PIK3C2G: variants seen among roughly 807,000 people sequenced by gnomAD.
PIK3C2G encodes the protein phosphatidylinositol-4-phosphate 3-kinase catalytic subunit type 2 gamma.
A neutral mutation model predicts 181.1 loss-of-function variants in PIK3C2G; 168 were observed. That is an observed-to-expected ratio of 0.93 (90% CI 0.82 to 1.05). The LOEUF (loss-of-function observed/expected upper bound fraction) is 1.05. Ranked by LOEUF, PIK3C2G falls within the 50% of genes least tolerant of loss-of-function variation. The pLI is 0.00. For synonymous variants in PIK3C2G, 573 were observed against 592.2 expected (o/e 0.97, Z 0.47); for missense variants, 1,869 against 1,732.8 (o/e 1.08, Z -1.40).
At chr12:18,400,170 A>G (rs1944165588) in intron 16 of PIK3C2G, among the ~76,000 whole-genome samples, 2 of 152,182 alleles carry the variant, frequency 1.3e-5, no homozygotes, top group African/African-American at 4.8e-5. Context: ...ATGTCTTTAA[A>G]AATTAGGATC....
At chr12:18,656,478 T>C in the PIK3C2G span, among the ~76,000 whole-genome samples, 2 of 152,002 alleles carry the variant, frequency 1.3e-5, no homozygotes, top group Non-Finnish European at 2.9e-5. Flanking sequence ...AGGCAGAGAA[T>C]TGCTTGAACC....
intron 18 of PIK3C2G, among the ~76,000 whole-genome samples, chr12:18,472,732 C>T (rs762779803): frequency 1.3e-5 from 2 of 152,124 alleles, no homozygotes; most frequent in Non-Finnish European, 2.9e-5. Flanking sequence ...CAAAGTCTCA[C>T]TCTGTCACCC....
intron 31 of PIK3C2G, among the ~76,000 whole-genome samples, chr12:18,626,503 A>C (rs1030242282): frequency 6.6e-6 from 1 of 152,034 alleles, no homozygotes; most frequent in Non-Finnish European, 1.5e-5. Context: ...TTATACCATT[A>C]GATTTCATGA....
At chr12:18,670,298 A>G in the PIK3C2G span, among the ~76,000 whole-genome samples, 1 of 152,016 alleles carries the variant, frequency 6.6e-6, no homozygotes, top group East Asian at 1.9e-4. Flanking sequence ...ATATGCGCAC[A>G]CACACACACA....
At chr12:18,311,584 A>T (rs2137386241) in intron 5 of PIK3C2G, among the ~76,000 whole-genome samples, 1 of 151,996 alleles carries the variant, frequency 6.6e-6, no homozygotes, top group East Asian at 1.9e-4. Context: ...GGTGAAAATA[A>T]ATTTTAATAC....
intron 31 of PIK3C2G, among the ~76,000 whole-genome samples, chr12:18,624,536 G>A (rs1949006207): frequency 6.6e-6 from 1 of 151,560 alleles, no homozygotes; most frequent in Non-Finnish European, 1.5e-5. Context: ...TATTGTAAGG[G>A]TAATGCTGGT....
intron 18 of PIK3C2G, among the ~76,000 whole-genome samples, chr12:18,460,576 A>AAAAT (rs1230549740): frequency 8.7e-5 from 13 of 149,800 alleles, no homozygotes; most frequent in South Asian, 2.1e-4. Context: ...TCCGTCTCAA[A>AAAAT]AAATAAATAA....
chr12:18,700,512 CAAAAAAAAA>C, the PIK3C2G span, among the ~76,000 whole-genome samples: 3 of 67,896 alleles, frequency 4.4e-5, no homozygotes, highest in Non-Finnish European at 5.0e-5. Flanking sequence ...AGCCAACGTA[CAAAAAAAAA>C]AAAAAAAAAA....
intron 4 of PIK3C2G, among the ~76,000 whole-genome samples, chr12:18,292,476 A>G (rs567091397): frequency 9.6e-4 from 145 of 151,822 alleles, no homozygotes; most frequent in African/African-American, 3.4e-3. Flanking sequence ...ACAGTTCACT[A>G]TCTCTATGGG....
intron 18 of PIK3C2G, among the ~76,000 whole-genome samples, chr12:18,480,373 T>G (rs1252668713): frequency 1.3e-5 from 2 of 152,164 alleles, no homozygotes; most frequent in Non-Finnish European, 2.9e-5. Context: ...GTCCCTTCTC[T>G]TAAACCCCAT....
intron 29 of PIK3C2G, among the ~76,000 whole-genome samples, chr12:18,573,951 C>A (rs1358459957): frequency 1.3e-5 from 2 of 152,192 alleles, no homozygotes; most frequent in African/African-American, 4.8e-5. Flanking sequence ...AACCCTAATT[C>A]TGTCCCATCT....
chr12:18,598,230 A>T (rs1220977378), intron 30 of PIK3C2G, among the ~76,000 whole-genome samples: 2 of 151,762 alleles, frequency 1.3e-5, no homozygotes, highest in African/African-American at 4.9e-5. Flanking sequence ...GAGGCATCAC[A>T]CTACCTGACT....
At position 18,323,995 on chromosome 12, in the gene PIK3C2G, C is replaced by T. The variant is rs973451145; in HGVS notation, c.1209-1040C>T. On this transcript the variant is annotated intron_variant, in intron 7 of 32. Transcript: ENST00000538779. Reference sequence around the variant, plus strand: ...CAGCACTTTGGGACGCCGAGGTGGGCGGATCATGAGGTCAGGAGATCGAGA... The same window carrying T: ...CAGCACTTTGGGACGCCGAGGTGGGTGGATCATGAGGTCAGGAGATCGAGA... Among the ~76,000 whole-genome samples, 33 of 151,934 alleles carry T rather than the reference C, an allele frequency of 2.2e-4. 1 individual carries two copies. The highest frequency in any genetic ancestry group is 6.3e-4 in the South Asian group (3 of 4,792).
At chr12:18,324,322 G>A (rs1951240124) in intron 7 of PIK3C2G, among the ~76,000 whole-genome samples, 1 of 152,116 alleles carries the variant, frequency 6.6e-6, no homozygotes, top group African/African-American at 2.4e-5. Flanking sequence ...AACTGACAGA[G>A]GGACTCCAAC....
In PIK3C2G at chr12:18,405,000, A is replaced by C. The variant is rs114876760; in HGVS notation, c.2315+5153A>C. On this transcript the variant is annotated intron_variant, in intron 16 of 32. Transcript: ENST00000538779. ...GGAACGCACAAAGCAGATTTGAGAGAAGTTTCAGAGGAAAGTAAAAAAGAG... is the reference window on the plus strand; with the variant it reads ...GGAACGCACAAAGCAGATTTGAGAGCAGTTTCAGAGGAAAGTAAAAAAGAG... Among the ~76,000 whole-genome samples the C allele has an allele frequency of 7.0e-3, 1,064 of 152,286 alleles. 6 individuals carry two copies. Among genetic ancestry groups the C allele is most frequent in the African/African-American group, 0.019 (779 of 41,562 alleles).
At position 18,392,762 on chromosome 12, in the gene PIK3C2G, C is replaced by A. The variant is rs142696337; in HGVS notation, c.2126+1510C>A. Among the ~76,000 whole-genome samples, 1,300 of 152,182 alleles carry A rather than the reference C, an allele frequency of 8.5e-3. 11 individuals carry two copies. Among genetic ancestry groups the A allele is most frequent in the Non-Finnish European group, 0.013 (871 of 67,954 alleles). Reference sequence around the variant, plus strand: ...GAACTGGAAAAAGTAAGGAACCTATCTTTCTTGTTTATCACTATATTTCTA... The same window carrying A: ...GAACTGGAAAAAGTAAGGAACCTATATTTCTTGTTTATCACTATATTTCTA... On this transcript the variant is annotated intron_variant, in intron 15 of 32. Coordinates refer to ENST00000538779, the MANE Select transcript of PIK3C2G (RefSeq NM_001288772.2).
At chr12:18,366,771 G>T (rs1941674342) in intron 12 of PIK3C2G, among the ~76,000 whole-genome samples, 1 of 150,700 alleles carries the variant, frequency 6.6e-6, no homozygotes, top group African/African-American at 2.4e-5. Context: ...TCCGCTTACT[G>T]ATGTGTCTCT....
chr12:18,312,635 T>C (rs1325783196), intron 5 of PIK3C2G, among the ~76,000 whole-genome samples: 1 of 152,070 alleles, frequency 6.6e-6, no homozygotes, highest in Non-Finnish European at 1.5e-5. Flanking sequence ...ATGACTTTTG[T>C]CTAGATTGGC....
chr12:18,720,355 A>G, the PIK3C2G span, among the ~76,000 whole-genome samples: 1 of 151,710 alleles, frequency 6.6e-6, no homozygotes, highest in African/African-American at 2.4e-5. Context: ...GCAAATATAT[A>G]CACATTTCTG....
Sources: gnomAD v4.1 joint callset for allele counts (sites outside exome capture counted in the v4.1 genomes callset) on GRCh38, gnomAD v4.1.1 for gene constraint, MANE v1.5 for transcripts, NCBI Gene and HGNC (gene_info 2026-07-23, HGNC 2026-07-21) for gene names.